RFTN2: variants seen among roughly 807,000 people sequenced by gnomAD.
RFTN2 encodes raftlin family member 2, also known as raftlin-2.
RFTN2 carries 34 observed loss-of-function variants against 52.7 expected under a neutral mutation model. That is an observed-to-expected ratio of 0.64 (90% CI 0.49 to 0.86). RFTN2 has a LOEUF of 0.86. Ranked by LOEUF, RFTN2 falls within the 40% of genes least tolerant of loss-of-function variation. RFTN2 has a pLI of 0.00. For missense variants in RFTN2, 536 were observed against 600.1 expected (o/e 0.89, Z 1.12); for synonymous variants, 203 against 217.7 (o/e 0.93, Z 0.59).
chr2:197,575,161 T>A (rs996760363), intron 8 of RFTN2, among the ~76,000 whole-genome samples: 21 of 152,114 alleles, frequency 1.4e-4, no homozygotes, highest in Non-Finnish European at 2.4e-4. Flanking sequence ...TATAAAGGGG[T>A]GTTCCCCTGC....
Position 197,641,565 on chromosome 2 carries a change from T to C in RFTN2, c.438+2593A>G, listed in dbSNP as rs1041825798. Among the ~76,000 whole-genome samples the C allele has an allele frequency of 9.8e-5, 15 of 152,338 alleles. 1 individual carries two copies. Among genetic ancestry groups the C allele is most frequent in the Admixed American group, 9.8e-4 (15 of 15,300 alleles). ...GGAACTTTTATCTGGAAAGGACTGG[T>C]AACAAATAAAGTATTAATTTTTTTT... On this transcript the variant is annotated intron_variant, in intron 3 of 8. Coordinates refer to ENST00000295049, the MANE Select transcript of RFTN2 (RefSeq NM_144629.3).
chr2:197,669,311 CTGAG>C (rs936346687), intron 1 of RFTN2, among the ~76,000 whole-genome samples: 1 of 151,336 alleles, frequency 6.6e-6, no homozygotes, highest in Admixed American at 6.6e-5. Context: ...TTTCTCTCTT[CTGAG>C]TATTTGTATA....
intron 1 of RFTN2, among the ~76,000 whole-genome samples, chr2:197,674,205 A>T (rs1038880249): frequency 2.0e-5 from 3 of 151,910 alleles, no homozygotes; most frequent in African/African-American, 7.2e-5. Context: ...GGATATGAAC[A>T]TGTTAAAAGT....
chr2:197,660,022 C>T (rs1321511290), intron 1 of RFTN2, among the ~76,000 whole-genome samples: 1 of 152,134 alleles, frequency 6.6e-6, no homozygotes, highest in African/African-American at 2.4e-5. Flanking sequence ...TAAGTATTAT[C>T]ATTATTTTCA....
Position 197,633,703 on chromosome 2 carries a change from A to C in RFTN2, c.718+15T>G. On this transcript the variant is annotated intron_variant, in intron 4 of 8. Coordinates refer to ENST00000295049, the MANE Select transcript of RFTN2 (RefSeq NM_144629.3). ...AACTATAGTATATTCTCTTTCTACT[A>C]ATCTTGTCTATTACCTTCTCCCTTT... 15 of 1,606,992 alleles carry C rather than the reference A, an allele frequency of 9.3e-6. No individual in the cohort carries two copies. The highest frequency in any genetic ancestry group is 2.2e-5 in the East Asian group (1 of 44,826).
intron 8 of RFTN2, among the ~76,000 whole-genome samples, chr2:197,575,778 CTATA>C (rs1238803127): frequency 4.1e-5 from 4 of 98,672 alleles, no homozygotes; most frequent in African/African-American, 1.5e-4. Context: ...AATATATATT[CTATA>C]TATAATATAT....
chr2:197,649,725 A>G (rs1198831408), intron 1 of RFTN2, among the ~76,000 whole-genome samples: 1 of 152,160 alleles, frequency 6.6e-6, no homozygotes, highest in Non-Finnish European at 1.5e-5. Context: ...TTTGGGTTAG[A>G]CTTCAGGGAA....
At chr2:197,629,956 T>C (rs2088438466) in intron 5 of RFTN2, among the ~76,000 whole-genome samples, 1 of 152,176 alleles carries the variant, frequency 6.6e-6, no homozygotes, top group South Asian at 2.1e-4. Context: ...ACTCCTGGAC[T>C]CAAGTGATCT....
At chr2:197,653,252 TA>T (rs1290376618) in intron 1 of RFTN2, among the ~76,000 whole-genome samples, 3 of 152,146 alleles carry the variant, frequency 2.0e-5, no homozygotes, top group East Asian at 1.9e-4. Context: ...GTTTTCAATT[TA>T]GGGGTGAAAT....
At chr2:197,618,747 G>A (rs1052000522) in intron 5 of RFTN2, among the ~76,000 whole-genome samples, 1 of 151,300 alleles carries the variant, frequency 6.6e-6, no homozygotes, top group African/African-American at 2.4e-5. Flanking sequence ...CGCCCCGTCC[G>A]GGATGTGAGG....
chr2:197,591,150 T>C (rs1414877103), intron 8 of RFTN2, among the ~76,000 whole-genome samples: 1 of 152,122 alleles, frequency 6.6e-6, no homozygotes, highest in Non-Finnish European at 1.5e-5. Flanking sequence ...CCCCACTAGA[T>C]TAGCTAAATA....
chr2:197,656,155 C>T (rs932176850), intron 1 of RFTN2, among the ~76,000 whole-genome samples: 3 of 152,110 alleles, frequency 2.0e-5, no homozygotes, highest in South Asian at 4.1e-4. Flanking sequence ...TTCTGTGTGC[C>T]GTAGTTTCCT....
At chr2:197,576,078 A>C (rs987534384) in intron 8 of RFTN2, among the ~76,000 whole-genome samples, 1 of 151,552 alleles carries the variant, frequency 6.6e-6, no homozygotes, top group Non-Finnish European at 1.5e-5. Flanking sequence ...GTGCAATCCC[A>C]GCACACTGTA....
At chr2:197,601,203 C>T (rs1018021729) in intron 7 of RFTN2, among the ~76,000 whole-genome samples, 1 of 152,210 alleles carries the variant, frequency 6.6e-6, no homozygotes, top group Non-Finnish European at 1.5e-5. Context: ...TTCCTTTTCT[C>T]TTCCCTGCCT....
chr2:197,614,342 T>C (rs565276959), intron 7 of RFTN2, among the ~76,000 whole-genome samples: 15 of 152,082 alleles, frequency 9.9e-5, no homozygotes, highest in Non-Finnish European at 1.9e-4. Context: ...TGGCTGGAGA[T>C]GGTTGGAGAG....
At chr2:197,655,392 A>G (rs2088880640) in intron 1 of RFTN2, among the ~76,000 whole-genome samples, 1 of 152,234 alleles carries the variant, frequency 6.6e-6, no homozygotes, top group South Asian at 2.1e-4. Context: ...TTACCATAGT[A>G]GAAATGTTAA....
chr2:197,570,815 T>C lies in RFTN2; in HGVS notation c.*1193A>G, dbSNP rs2087304388. On this transcript the variant is annotated 3_prime_UTR_variant, in exon 9 of 9. Transcript: ENST00000295049. ...AACAATAACACAATAAAAATGATGTTTTATTATTAAAATGATCTTACAATG... is the reference window on the plus strand; with the variant it reads ...AACAATAACACAATAAAAATGATGTCTTATTATTAAAATGATCTTACAATG... The C allele has an allele frequency of 6.6e-6, 1 of 152,256 alleles. No individual in the cohort carries two copies. The highest frequency in any genetic ancestry group is 6.5e-5 in the Admixed American group (1 of 15,284). 9.4% of individuals were successfully genotyped at this position (152,256 alleles called of 1,614,324 possible).
chr2:197,619,218 G>A (rs1440122401), intron 5 of RFTN2, among the ~76,000 whole-genome samples: 2 of 152,000 alleles, frequency 1.3e-5, no homozygotes, highest in Admixed American at 1.3e-4. Flanking sequence ...CCCTCTGCCC[G>A]GCCACCACCC....
intron 8 of RFTN2, among the ~76,000 whole-genome samples, chr2:197,589,555 T>C (rs939011132): frequency 1.3e-5 from 2 of 152,340 alleles, no homozygotes; most frequent in African/African-American, 4.8e-5. Context: ...TTTTAACCAT[T>C]TTAACAGGTG....
Sources: allele counts gnomAD v4.1 joint callset (sites outside exome capture counted in the v4.1 genomes callset), GRCh38; gene constraint gnomAD v4.1.1; transcripts MANE v1.5; gene names NCBI Gene and HGNC (gene_info 2026-07-23, HGNC 2026-07-21).